The following PTPRT variants were observed in gnomAD, a reference collection of about 807,000 sequenced individuals.
PTPRT encodes protein tyrosine phosphatase receptor type T.
PTPRT carries 56 observed loss-of-function variants against 176.8 expected under a neutral mutation model. The observed-to-expected ratio is 0.32, with a 90% CI of 0.26 to 0.40. The LOEUF is 0.40. Among genes scored for constraint, PTPRT ranks in the 10% least tolerant of loss-of-function variants. The probability of loss-of-function intolerance (pLI) is 1.00; values close to 1 mark genes in which losing one functional copy is unlikely to be tolerated. For missense variants in PTPRT, 1,540 were observed against 1,908.2 expected (o/e 0.81, Z 3.60); for synonymous variants, 783 against 739.0 (o/e 1.06, Z -0.96).
At chr20:42,819,253 T>A (rs1227389935) in intron 2 of PTPRT, among the ~76,000 whole-genome samples, 2 of 152,166 alleles carry the variant, frequency 1.3e-5, no homozygotes, top group Non-Finnish European at 2.9e-5. Context: ...TATTCAATAT[T>A]CTTAAAGAAA....
chr20:42,912,243 A>G (rs1469878378), intron 1 of PTPRT, among the ~76,000 whole-genome samples: 5 of 152,024 alleles, frequency 3.3e-5, no homozygotes, highest in Non-Finnish European at 7.4e-5. Context: ...AATCATTGTC[A>G]TTTGTCATTT....
chr20:42,207,256 C>T (rs371030940), intron 15 of PTPRT, among the ~76,000 whole-genome samples: 16 of 152,222 alleles, frequency 1.1e-4, no homozygotes, highest in Non-Finnish European at 4.4e-5. Flanking sequence ...CAAAGGAACA[C>T]AGTTCGTCAC....
intron 6 of PTPRT, among the ~76,000 whole-genome samples, chr20:42,741,851 G>C (rs551851154): frequency 1.3e-5 from 2 of 152,066 alleles, no homozygotes; most frequent in Non-Finnish European, 2.9e-5. Context: ...TATGGGTTAA[G>C]ACCTGGGAGG....
At position 42,242,753 on chromosome 20, in the gene PTPRT, G is replaced by A. The variant is rs374696251; in HGVS notation, c.2312+5934C>T. Among the ~76,000 whole-genome samples, 6 of 152,290 alleles carry A rather than the reference G, an allele frequency of 3.9e-5. No homozygotes were observed. The East Asian group carries it at 7.7e-4, about 20-fold the overall frequency. On this transcript the variant is annotated intron_variant, in intron 14 of 30. Coordinates refer to ENST00000373187, the MANE Select transcript of PTPRT (RefSeq NM_007050.6). ...AGAAACTTGTTTCCATATGGGCAGG[G>A]AGACAGTATCACTTGACAAAGTTCC...
At chr20:42,942,547 G>A (rs60710732) in intron 1 of PTPRT, among the ~76,000 whole-genome samples, 2,777 of 152,232 alleles carry the variant, frequency 0.018, 100 homozygotes, top group African/African-American at 0.063. Context: ...CCTCACACTA[G>A]ACTAAGAGTG....
intron 1 of PTPRT, among the ~76,000 whole-genome samples, chr20:43,118,629 G>C (rs11086861): frequency 1.3e-5 from 2 of 151,914 alleles, no homozygotes; most frequent in Non-Finnish European, 2.9e-5. Context: ...TAGTAGAGAC[G>C]GGGTTTCACC....
intron 15 of PTPRT, among the ~76,000 whole-genome samples, chr20:42,227,032 G>A (rs1389784916): frequency 6.6e-6 from 1 of 152,074 alleles, no homozygotes; most frequent in Non-Finnish European, 1.5e-5. Context: ...CATTTCAGTG[G>A]TGGGAAACCC....
At chr20:42,641,085 T>C (rs1367147461) in intron 7 of PTPRT, among the ~76,000 whole-genome samples, 1 of 152,080 alleles carries the variant, frequency 6.6e-6, no homozygotes, top group Non-Finnish European at 1.5e-5. Flanking sequence ...TACCATAGTG[T>C]TGGGAATTTA....
chr20:43,113,638 T>A lies in PTPRT; in HGVS notation c.88+76008A>T, dbSNP rs564549437. 2.6e-5 allele frequency among the ~76,000 whole-genome samples: 4 copies of A among 152,308 alleles called. No individual in the cohort carries two copies. The East Asian group carries it at 7.7e-4, about 29-fold the overall frequency. ...AGGTATGGGAGGACCAGAAGCCCTG[T>A]CCTTCTGATGTCCTTCTTAAACAAG... On this transcript the variant is annotated intron_variant, in intron 1 of 30. Transcript: ENST00000373187.
chr20:42,203,851 G>T (rs2146696907), intron 15 of PTPRT, among the ~76,000 whole-genome samples: 1 of 152,310 alleles, frequency 6.6e-6, no homozygotes, highest in African/African-American at 2.4e-5. Context: ...GATCAGGGAG[G>T]GTTTTGGTGC....
rs1239511087 is a variant in PTPRT, at chr20:42,993,467, T to TATATATACACATATATGTGTGTGTAC, written c.89-107536_89-107535insGTACACACACATATATGTGTATATAT. 4.7e-5 allele frequency among the ~76,000 whole-genome samples: 5 copies of TATATATACACATATATGTGTGTGTAC among 106,832 alleles called. 1 individual carries two copies. The highest frequency in any genetic ancestry group is 9.4e-5 in the Non-Finnish European group (5 of 53,114). The allele number at this position is 106,832 out of a possible 152,430, so 70.1% of individuals were successfully genotyped here. ...ATATATATATATGTATGTGTGTGTATATATATACACATATATGTGTGTGTA... is the reference window on the plus strand; with the variant it reads ...ATATATATATATGTATGTGTGTGTATATATATACACATATATGTGTGTGTACATATATACACATATATGTGTGTGTA... On this transcript the variant is annotated intron_variant, in intron 1 of 30. Coordinates refer to ENST00000373187, the MANE Select transcript of PTPRT (RefSeq NM_007050.6).
chr20:42,147,175 A>G (rs993620229), intron 17 of PTPRT, among the ~76,000 whole-genome samples: 1 of 152,196 alleles, frequency 6.6e-6, no homozygotes, highest in African/African-American at 2.4e-5. Flanking sequence ...TGCTGGCTCT[A>G]TACTTCAGAT....
At chr20:42,899,778 G>A (rs577469018) in intron 1 of PTPRT, among the ~76,000 whole-genome samples, 27 of 152,288 alleles carry the variant, frequency 1.8e-4, no homozygotes, top group Admixed American at 1.7e-3. Context: ...ATGATGAAGT[G>A]TCAGAAGCAC....
intron 9 of PTPRT, among the ~76,000 whole-genome samples, chr20:42,420,140 T>A (rs1600994012): frequency 6.6e-6 from 1 of 152,184 alleles, no homozygotes; most frequent in Non-Finnish European, 1.5e-5. Flanking sequence ...ATGGCAGCCC[T>A]GGGAAAATCA....
chr20:42,829,654 G>T lies in PTPRT; in HGVS notation c.215-38188C>A, dbSNP rs1339884503. On this transcript the variant is annotated intron_variant, in intron 2 of 30. Coordinates refer to ENST00000373187, the MANE Select transcript of PTPRT (RefSeq NM_007050.6). ...ATGGAGGCATGAAAAACATTCAAAA[G>T]ATCAATGAATCCAGGAGTTGGTTTT... 2.0e-5 allele frequency among the ~76,000 whole-genome samples: 3 copies of T among 152,156 alleles called. 1 individual carries two copies.
At chr20:42,915,438 C>G (rs934145940) in intron 1 of PTPRT, among the ~76,000 whole-genome samples, 2 of 152,194 alleles carry the variant, frequency 1.3e-5, no homozygotes, top group African/African-American at 4.8e-5. Flanking sequence ...TCTCCTGGAC[C>G]GGGAAAGACT....
intron 23 of PTPRT, among the ~76,000 whole-genome samples, 167 bp downstream of exon 23, chr20:42,110,166 C>A (rs1203680381): frequency 1.3e-5 from 2 of 152,060 alleles, no homozygotes; most frequent in African/African-American, 2.4e-5. Context: ...TCTGCCTCAG[C>A]CTCCCAGGTA....
chr20:42,897,091 T>C (rs2079315032), intron 1 of PTPRT, among the ~76,000 whole-genome samples: 1 of 152,234 alleles, frequency 6.6e-6, no homozygotes, highest in Non-Finnish European at 1.5e-5. Flanking sequence ...CCAATTAGTG[T>C]TTGATTTATT....
chr20:42,590,444 G>A (rs1042500074), intron 7 of PTPRT, among the ~76,000 whole-genome samples: 1 of 152,174 alleles, frequency 6.6e-6, no homozygotes, highest in Non-Finnish European at 1.5e-5. Context: ...CAGGCATTGT[G>A]CAATCTGCTT....
Sources: gnomAD v4.1 joint callset for allele counts (sites outside exome capture counted in the v4.1 genomes callset) on GRCh38, gnomAD v4.1.1 for gene constraint, MANE v1.5 for transcripts, NCBI Gene and HGNC (gene_info 2026-07-23, HGNC 2026-07-21) for gene names.